The following DMXL1 variants were observed in gnomAD, a reference collection of about 807,000 sequenced individuals.
DMXL1 encodes Dmx like 1.
A neutral mutation model predicts 319.2 loss-of-function variants in DMXL1; 99 were observed. The observed-to-expected ratio is 0.31, with a 90% CI of 0.26 to 0.37. The LOEUF (loss-of-function observed/expected upper bound fraction) is 0.37. DMXL1 is among the 10% of genes least tolerant of loss of function. The pLI is 1.00. For synonymous variants in DMXL1, 1,385 were observed against 1,235.2 expected (o/e 1.12, Z -2.54); for missense variants, 3,745 against 3,595.6 (o/e 1.04, Z -1.06).
At position 119,149,933 on chromosome 5, in the gene DMXL1, G is replaced by A. The variant is rs776741081; in HGVS notation, c.4106G>A (p.Arg1369His). Reference protein sequence around the residue: ...ALNEAESNHERRLRSLTISAS... With the variant: ...ALNEAESNHEHRLRSLTISAS... ...AATGAAGCTGAATCTAATCATGAAC[G>A]CCGCCTTAGGTCTCTCACAATCAGT... Residue 1369 changes from arginine (R) to histidine (H), a missense_variant, in exon 18 of 44, where the codon CGC becomes CAC. Arg to His is a conservative substitution (Grantham distance 29). This residue lies in a region of DMXL1 where 2,096 missense variants were observed against 1,985.4 expected (regional missense o/e 1.06). Transcript: ENST00000539542. 3.9e-5 allele frequency: 63 copies of A among 1,613,840 alleles called. No homozygotes were observed. Among genetic ancestry groups the A allele is most frequent in the Non-Finnish European group, 5.1e-5 (60 of 1,179,928 alleles).
rs140166362 is a variant in DMXL1, at chr5:119,178,368, A to G, written c.7135+124A>G. On this transcript the variant is annotated intron_variant, in intron 28 of 43. Coordinates refer to ENST00000539542, the MANE Select transcript of DMXL1 (RefSeq NM_001290321.3). ...GTTAGAGACCATTTGCGAAAAGCATAAACAAATAGTCATACAGTGAAAATG... is the reference window on the plus strand; with the variant it reads ...GTTAGAGACCATTTGCGAAAAGCATGAACAAATAGTCATACAGTGAAAATG... 1,368 of 1,113,964 alleles carry G rather than the reference A, an allele frequency of 1.2e-3. 11 individuals carry two copies. The African/African-American group carries it at 0.019, about 16-fold the overall frequency. The allele number at this position is 1,113,964 out of a possible 1,614,324, so 69.0% of individuals were successfully genotyped here.
chr5:119,165,665 C>T (rs1171863878), intron 21 of DMXL1, among the ~76,000 whole-genome samples: 1 of 152,184 alleles, frequency 6.6e-6, no homozygotes, highest in Non-Finnish European at 1.5e-5. Flanking sequence ...GCTGGGAAGG[C>T]CTCACAATCA....
intron 41 of DMXL1, 142 bp downstream of exon 41, chr5:119,239,222 T>C: frequency 1.1e-6 from 1 of 929,774 alleles, no homozygotes; most frequent in Non-Finnish European, 1.6e-6. Context: ...TTATTGGCCA[T>C]GTTATTCCAG....
chr5:119,198,264 C>T (rs1581269141), intron 32 of DMXL1, among the ~76,000 whole-genome samples: 2 of 152,312 alleles, frequency 1.3e-5, no homozygotes, highest in South Asian at 4.1e-4. Context: ...GCTGGGATTA[C>T]AGGCGTGAGC....
In DMXL1 at chr5:119,146,889, C is replaced by T; in HGVS notation, c.2622C>T (p.Cys874=). 1 of 1,611,362 alleles carries T rather than the reference C, an allele frequency of 6.2e-7. No individual in the cohort carries two copies. Among genetic ancestry groups the T allele is most frequent in the Non-Finnish European group, 8.5e-7 (1 of 1,178,222 alleles). The stretch of plus-strand genomic sequence containing the variant: ...AGTTCTACCTAATTGTAATAGAATG[C>T]ACTCAAGACAACCGTTCACTGTTAC... The part of the protein sequence containing the change: ...SEKFYLIVIE[C]TQDNRSLLHM... The change falls in exon 16 of 44, where the codon TGC becomes TGT. Residue 874 remains cysteine, a synonymous_variant. Coordinates refer to ENST00000539542, the MANE Select transcript of DMXL1 (RefSeq NM_001290321.3).
At chr5:119,146,985 A>C (rs763407363) in intron 16 of DMXL1, 29 bp downstream of exon 16, 2 of 1,607,306 alleles carry the variant, frequency 1.2e-6, no homozygotes, top group Admixed American at 3.4e-5. Context: ...TGTTTGTGCA[A>C]CTTTAATAGG....
At chr5:119,139,733 C>CA (rs1766867163) in intron 13 of DMXL1, among the ~76,000 whole-genome samples, 1 of 152,146 alleles carries the variant, frequency 6.6e-6, no homozygotes. Context: ...AGAAGAGTAA[C>CA]AGAGATATTC....
At chr5:119,072,502 T>A (rs1423782911) in intron 1 of DMXL1, among the ~76,000 whole-genome samples, 1 of 152,188 alleles carries the variant, frequency 6.6e-6, no homozygotes, top group East Asian at 1.9e-4. Flanking sequence ...AACTTGTCAC[T>A]GCCTGGGAAT....
At position 119,247,006 on chromosome 5, in the gene DMXL1, C is replaced by A; in HGVS notation, c.8934C>A (p.Leu2978=). ...TTAATATCTTTCAGATTTGGAGTCT[C>A]TCTACCTTTGGTCTTCTCCATACTT... ...SAEGNIKIWS[L]STFGLLHTFV... The change falls in exon 44 of 44, where the codon CTC becomes CTA. Residue 2978 remains leucine (L), a synonymous_variant. Transcript: ENST00000539542. 2 of 1,610,212 alleles carry A rather than the reference C, an allele frequency of 1.2e-6. No homozygotes were observed. The highest frequency in any genetic ancestry group is 1.7e-6 in the Non-Finnish European group (2 of 1,177,278).
rs1260067113 is a variant in DMXL1 at position 119,186,956 on chromosome 5, A to G, written c.7136-2752A>G. ...GGGGGGATGGGGGAGGGATAGCATT[A>G]GGAGATATATCTAATGTAAATGACG... On this transcript the variant is annotated intron_variant, in intron 28 of 43. Transcript: ENST00000539542. 4.6e-5 allele frequency among the ~76,000 whole-genome samples: 7 copies of G among 152,258 alleles called. No homozygotes were observed. The East Asian group carries it at 1.3e-3, about 29-fold the overall frequency.
Position 119,110,156 on chromosome 5 carries a change from C to T in DMXL1, c.370C>T (p.Arg124Cys), listed in dbSNP as rs1759261514. 1 of 1,589,266 alleles carries T rather than the reference C, an allele frequency of 6.3e-7. No individual in the cohort carries two copies. Among genetic ancestry groups the T allele is most frequent in the Non-Finnish European group, 8.5e-7 (1 of 1,171,324 alleles). The change falls in exon 5 of 44, where the codon CGT (arginine) becomes TGT (cysteine). Residue 124 changes from arginine to cysteine, a missense_variant. Arg to Cys is a radical substitution (Grantham distance 180). This residue lies in a region of DMXL1 where 2,096 missense variants were observed against 1,985.4 expected (regional missense o/e 1.06). Transcript: ENST00000539542. Reference protein sequence around the residue: ...HNITWDPTGSRLLTGSSYLQL... With the variant: ...HNITWDPTGSCLLTGSSYLQL... ...AGGAATAATATTTTTTTTAGGCAGT[C>T]GTCTTTTAACTGGTTCCAGCTATTT...
intron 39 of DMXL1, chr5:119,236,307 AT>A (rs1358634451): frequency 6.6e-6 from 1 of 152,080 alleles, no homozygotes; most frequent in East Asian, 1.9e-4. Flanking sequence ...GGCATAGTCT[AT>A]TAATTTTAAG....
At chr5:119,202,287 A>G (rs1470131147) in intron 32 of DMXL1, among the ~76,000 whole-genome samples, 3 of 152,152 alleles carry the variant, frequency 2.0e-5, no homozygotes, top group African/African-American at 4.8e-5. Context: ...GTTAGATCCT[A>G]TGGCCCTAGG....
intron 19 of DMXL1, among the ~76,000 whole-genome samples, chr5:119,163,027 A>G (rs1772603743): frequency 6.6e-6 from 1 of 152,236 alleles, no homozygotes. Context: ...TATTATGAAA[A>G]GTGAAAATAG....
chr5:119,109,895 T>G (rs996237374), intron 4 of DMXL1, among the ~76,000 whole-genome samples: 2 of 152,210 alleles, frequency 1.3e-5, no homozygotes, highest in Admixed American at 6.5e-5. Context: ...GTCATTGTAT[T>G]TCCAATGTCT....
intron 9 of DMXL1, among the ~76,000 whole-genome samples, chr5:119,122,550 G>A (rs1268688303): frequency 6.6e-6 from 1 of 151,476 alleles, no homozygotes; most frequent in Non-Finnish European, 1.5e-5. Context: ...CTCAGATGGG[G>A]CGGCTGCCGG....
intron 1 of DMXL1, among the ~76,000 whole-genome samples, chr5:119,080,240 G>T (rs547356293): frequency 6.6e-6 from 1 of 152,050 alleles, no homozygotes; most frequent in Non-Finnish European, 1.5e-5. Flanking sequence ...TCAGCTACTC[G>T]GGAGGTTGAG....
rs2174433 is a variant in DMXL1 at position 119,247,084 on chromosome 5, G to A, written c.9012G>A (p.Val3004=). 1 of 1,613,974 alleles carries A rather than the reference G, an allele frequency of 6.2e-7. No individual in the cohort carries two copies. The highest frequency in any genetic ancestry group is 1.1e-5 in the South Asian group (1 of 91,086). ...QSIFRNIGTG[V]MQIETGPANH... ...TTTTTAGAAATATTGGAACTGGAGT[G>A]ATGCAAATTGAGACAGGGCCTGCAA... The change falls in exon 44 of 44, where the codon GTG becomes GTA. Residue 3004 remains valine (V), a synonymous_variant. Coordinates refer to ENST00000539542, the MANE Select transcript of DMXL1 (RefSeq NM_001290321.3).
chr5:119,244,633 C>G, intron 43 of DMXL1, 57 bp downstream of exon 43: 1 of 1,325,958 alleles, frequency 7.5e-7, no homozygotes, highest in Non-Finnish European at 1.1e-6. Flanking sequence ...AACCTTAGCT[C>G]TTTAATCGTA....
Sources: gnomAD v4.1 joint callset for allele counts (sites outside exome capture counted in the v4.1 genomes callset) on GRCh38, gnomAD v4.1.1 for gene constraint, gnomAD v4.1.1 regional missense constraint, MANE v1.5 for transcripts, NCBI Gene and HGNC (gene_info 2026-07-23, HGNC 2026-07-21) for gene names.